The following REEP5 variants were observed in gnomAD, a reference collection of about 807,000 sequenced individuals.
REEP5 encodes receptor accessory protein 5, also known as receptor expression-enhancing protein 5.
Under a neutral mutation model 22.4 loss-of-function variants are expected in REEP5, and 24 were observed. That is an observed-to-expected ratio of 1.07 (90% CI 0.78 to 1.51). The LOEUF (loss-of-function observed/expected upper bound fraction) is 1.51. Ranked by LOEUF, REEP5 falls within the 40% of genes most tolerant of loss-of-function variation. REEP5 has a pLI of 0.00. For synonymous variants in REEP5, 103 were observed against 88.6 expected, an observed-to-expected ratio of 1.16 and a Z score of -0.92; for missense variants, 252 against 233.0, an observed-to-expected ratio of 1.08 and a Z score of -0.53.
chr5:112,921,598 G>A (rs1455765913), intron 1 of REEP5: 1 of 340,674 alleles, frequency 2.9e-6, no homozygotes, highest in South Asian at 3.1e-5. Flanking sequence ...GGGAAGCTGC[G>A]CTCAGCGGGG....
At chr5:112,916,974 T>C (rs153563) in intron 2 of REEP5, among the ~76,000 whole-genome samples, 82,637 of 152,096 alleles carry the variant, frequency 0.54, 23,885 homozygotes, top group African/African-American at 0.75. Context: ...ATTTCAGGAG[T>C]CATACAAAGA....
In REEP5 at chr5:112,878,241, T is replaced by A. The variant is rs1767957229; in HGVS notation, c.*545A>T. The A allele has an allele frequency of 6.5e-6, 1 of 152,934 alleles. No individual in the cohort carries two copies. Among genetic ancestry groups the A allele is most frequent in the South Asian group, 2.1e-4 (1 of 4,840 alleles). 9.5% of individuals were successfully genotyped at this position (152,934 alleles called of 1,614,324 possible). On this transcript the variant is annotated 3_prime_UTR_variant, in exon 5 of 5. Coordinates refer to ENST00000379638, the MANE Select transcript of REEP5 (RefSeq NM_005669.5). ...GGTTCCTCCAGCTTTTGGCAGGTGG[T>A]CTTACTGTACAGAAGTTATAAATGA...
intron 2 of REEP5, among the ~76,000 whole-genome samples, chr5:112,910,485 T>C (rs999486055): frequency 4.6e-5 from 7 of 152,126 alleles, no homozygotes; most frequent in Admixed American, 4.6e-4. Flanking sequence ...AAAAAAAAAC[T>C]TCACTTACCA....
chr5:112,909,732 G>T (rs2150046597), intron 2 of REEP5, among the ~76,000 whole-genome samples: 1 of 152,282 alleles, frequency 6.6e-6, no homozygotes, highest in African/African-American at 2.4e-5. Flanking sequence ...ACTGGTACCA[G>T]TTCACTCCAC....
chr5:112,899,451 A>T (rs931838515), intron 3 of REEP5, among the ~76,000 whole-genome samples: 10 of 152,086 alleles, frequency 6.6e-5, no homozygotes, highest in African/African-American at 1.9e-4. Flanking sequence ...GTCCTGTATA[A>T]CTTTTCATAA....
intron 3 of REEP5, among the ~76,000 whole-genome samples, chr5:112,889,442 A>G (rs983492178): frequency 2.7e-5 from 4 of 150,910 alleles, no homozygotes; most frequent in Non-Finnish European, 4.4e-5. Context: ...AGGCAAAATA[A>G]GTAAATAGGA....
At chr5:112,886,192 TCA>T (rs1357059431) in intron 4 of REEP5, among the ~76,000 whole-genome samples, 2 of 152,348 alleles carry the variant, frequency 1.3e-5, no homozygotes, top group Non-Finnish European at 2.9e-5. Flanking sequence ...ATTCAAAACG[TCA>T]CAGAGTGTAC....
At chr5:112,883,789 C>A (rs1768147547) in intron 4 of REEP5, among the ~76,000 whole-genome samples, 1 of 152,104 alleles carries the variant, frequency 6.6e-6, no homozygotes. Context: ...CCACCCACCA[C>A]AACCTCCCAC....
In REEP5 at chr5:112,902,443, G is replaced by A. The variant is rs760879439; in HGVS notation, c.288C>T (p.Phe96=). 1 of 1,613,540 alleles carries A rather than the reference G, an allele frequency of 6.2e-7. No individual in the cohort carries two copies. The highest frequency in any genetic ancestry group is 2.2e-5 in the East Asian group (1 of 44,836). Residue 96 remains phenylalanine (F), a synonymous_variant, in exon 3 of 5, where the codon TTC becomes TTT. Coordinates refer to ENST00000379638, the MANE Select transcript of REEP5 (RefSeq NM_005669.5). ...TATCAGAGAAGAATTCAGCAATGCT[G>A]AACACACCATACACTACCCAGTAGG... ...WLTYWVVYGV[F]SIAEFFSDIF...
Position 112,878,841 on chromosome 5 carries a change from T to C in REEP5, c.521-6A>G, listed in dbSNP as rs1767976760. 6.2e-7 allele frequency: 1 copy of C among 1,613,958 alleles called. No homozygotes were observed. Among genetic ancestry groups the C allele is most frequent in the African/African-American group, 1.3e-5 (1 of 74,882 alleles). Reference sequence around the variant, plus strand: ...ATTCACGGTAGCTTTCTTCGCTGTTTGTTTGTTAGGAGGGAAAGAAAAATA... The same window carrying C: ...ATTCACGGTAGCTTTCTTCGCTGTTCGTTTGTTAGGAGGGAAAGAAAAATA... On this transcript the variant is annotated splice_region_variant and splice_polypyrimidine_tract_variant and intron_variant, in intron 4 of 4. Transcript: ENST00000379638.
At chr5:112,893,035 T>G in intron 3 of REEP5, 1 of 1,490,526 alleles carries the variant, frequency 6.7e-7, no homozygotes, top group Non-Finnish European at 9.3e-7. Context: ...GAGGAGGAAG[T>G]CGGGTAATAG....
chr5:112,890,945 G>T (rs760899041), intron 3 of REEP5, among the ~76,000 whole-genome samples: 13 of 150,572 alleles, frequency 8.6e-5, no homozygotes, highest in Non-Finnish European at 1.9e-4. Context: ...GCATAGCAAG[G>T]ACTTTCTCTG....
intron 2 of REEP5, among the ~76,000 whole-genome samples, chr5:112,917,356 T>C (rs756905940): frequency 4.6e-5 from 7 of 152,240 alleles, no homozygotes; most frequent in Non-Finnish European, 1.5e-5. Context: ...CCCTGAATTG[T>C]CATTTTAAAA....
rs780298365 is a variant in REEP5 at position 112,892,854 on chromosome 5, T to C, written c.352-5671A>G. 6.8e-6 allele frequency: 11 copies of C among 1,607,542 alleles called. No individual in the cohort carries two copies. The East Asian group carries it at 2.5e-4, about 36-fold the overall frequency. On this transcript the variant is annotated intron_variant, in intron 3 of 4. Coordinates refer to ENST00000379638, the MANE Select transcript of REEP5 (RefSeq NM_005669.5). ...ATGGGGAATCCGAGAGAAAAAAGAG[T>C]AGTCATAGGGGGAAGAAATCTCACA...
intron 2 of REEP5, 44 bp from the exon 3 acceptor site, chr5:112,902,562 C>G (rs776583413): frequency 6.6e-7 from 1 of 1,510,348 alleles, no homozygotes; most frequent in African/African-American, 1.4e-5. Context: ...GGTAAGATAT[C>G]AATGAAAGAT....
intron 2 of REEP5, among the ~76,000 whole-genome samples, chr5:112,914,247 C>T (rs1367379958): frequency 6.6e-6 from 1 of 150,638 alleles, no homozygotes; most frequent in Non-Finnish European, 1.5e-5. Context: ...CTCAGCCTCC[C>T]AAGTGTGTGT....
intron 2 of REEP5, among the ~76,000 whole-genome samples, chr5:112,909,929 C>T (rs1377319560): frequency 6.6e-6 from 1 of 152,198 alleles, no homozygotes; most frequent in Non-Finnish European, 1.5e-5. Flanking sequence ...TATTCCCTGA[C>T]CCATGACACA....
At chr5:112,884,389 T>A (rs1768168418) in intron 4 of REEP5, among the ~76,000 whole-genome samples, 1 of 145,632 alleles carries the variant, frequency 6.9e-6, no homozygotes, top group Admixed American at 6.9e-5. Flanking sequence ...CATTTTCTAT[T>A]TTTTTTTTTT....
At chr5:112,899,110 ACT>A (rs1380725049) in intron 3 of REEP5, among the ~76,000 whole-genome samples, 1 of 152,032 alleles carries the variant, frequency 6.6e-6, no homozygotes, top group African/African-American at 2.4e-5. Context: ...ACAGGGTCTC[ACT>A]CTGTCACCCA....
Sources: gnomAD v4.1 joint callset for allele counts (sites outside exome capture counted in the v4.1 genomes callset) on GRCh38, gnomAD v4.1.1 for gene constraint, MANE v1.5 for transcripts, NCBI Gene and HGNC (gene_info 2026-07-23, HGNC 2026-07-21) for gene names.